CBFA2T2: variants seen among roughly 807,000 people sequenced by gnomAD.
The protein encoded by CBFA2T2 is CBFA2/RUNX1 partner transcriptional co-repressor 2.
In CBFA2T2, 11 loss-of-function variants were observed where a neutral mutation model predicts 62.2. That is an observed-to-expected ratio of 0.18 (90% CI 0.11 to 0.29). The LOEUF (loss-of-function observed/expected upper bound fraction) is 0.29, where lower values mean the gene tolerates loss of function less well. Among genes scored for constraint, CBFA2T2 ranks in the 10% least tolerant of loss-of-function variants. The pLI, the probability that CBFA2T2 is intolerant of heterozygous loss-of-function variation, is 1.00. For synonymous variants in CBFA2T2, 295 were observed against 287.5 expected, an observed-to-expected ratio of 1.03 and a Z score of -0.27; for missense variants, 592 against 774.1, an observed-to-expected ratio of 0.76 and a Z score of 2.79.
rs535557912 is a variant in CBFA2T2, at chr20:33,542,222, G to A, written c.34+51921G>A. Reference sequence around the variant, plus strand: ...AGGAACATGTGGTTTACAGCATCTAGCCTAGTACCTCGTTTTGCTCTTCTA... The same window carrying A: ...AGGAACATGTGGTTTACAGCATCTAACCTAGTACCTCGTTTTGCTCTTCTA... On this transcript the variant is annotated intron_variant, in intron 1 of 10. Coordinates refer to ENST00000342704, the MANE Select transcript of CBFA2T2 (RefSeq NM_001032999.3). Among the ~76,000 whole-genome samples the A allele has an allele frequency of 3.3e-5, 5 of 152,258 alleles. No homozygotes were observed. In the East Asian group the frequency reaches 5.8e-4, roughly 18 times the overall value.
chr20:33,549,258 A>G (rs2012665620), intron 1 of CBFA2T2, among the ~76,000 whole-genome samples: 1 of 149,050 alleles, frequency 6.7e-6, no homozygotes, highest in African/African-American at 2.5e-5. Flanking sequence ...CATAAAGCAG[A>G]TAAAACTGGA....
intron 4 of CBFA2T2, among the ~76,000 whole-genome samples, chr20:33,621,313 T>TTTTTTTTTTTG (rs1491565812): frequency 9.2e-6 from 1 of 108,142 alleles, no homozygotes; most frequent in Non-Finnish European, 1.9e-5. Context: ...TTTTTTTTTT[T>TTTTTTTTTTTG]GGGGAGACAA....
chr20:33,616,147 C>A (rs1034076696), intron 3 of CBFA2T2, among the ~76,000 whole-genome samples: 12 of 150,342 alleles, frequency 8.0e-5, no homozygotes, highest in Non-Finnish European at 1.6e-4. Flanking sequence ...CAGAGCAATA[C>A]TCTGTAGATA....
At position 33,619,533 on chromosome 20, in the gene CBFA2T2, T is replaced by G. The variant is rs756277843; in HGVS notation, c.437T>G (p.Ile146Ser). The change falls in exon 4 of 11, where the codon ATT becomes AGT. Residue 146 changes from isoleucine to serine, a missense_variant. Physicochemically the swap from Ile to Ser is moderately radical, Grantham distance 142. This residue lies in a region of CBFA2T2 where 449 missense variants were observed against 551.2 expected (regional missense o/e 0.81). Transcript: ENST00000342704. ...TCTTTTCAGAACTCAACAGTGACAA[T>G]TGAGGAATTCCACTGTAAGCTCCAA... Reference protein sequence around the residue: ...VLALVNSTVTIEEFHCKLQEA... With the variant: ...VLALVNSTVTSEEFHCKLQEA... 1 of 1,603,636 alleles carries G rather than the reference T, an allele frequency of 6.2e-7. No homozygotes were observed. Among genetic ancestry groups the G allele is most frequent in the South Asian group, 1.1e-5 (1 of 89,246 alleles).
At chr20:33,577,556 T>C (rs1294324292) in intron 1 of CBFA2T2, among the ~76,000 whole-genome samples, 1 of 152,218 alleles carries the variant, frequency 6.6e-6, no homozygotes, top group East Asian at 1.9e-4. Flanking sequence ...TACGTTCATA[T>C]ATTTGTGAAG....
chr20:33,562,917 A>G (rs2013143293), intron 1 of CBFA2T2, among the ~76,000 whole-genome samples: 1 of 152,240 alleles, frequency 6.6e-6, no homozygotes, highest in African/African-American at 2.4e-5. Flanking sequence ...AATTAGATGT[A>G]GTATATGAAT....
chr20:33,596,596 T>G (rs1174777930), intron 1 of CBFA2T2, among the ~76,000 whole-genome samples: 1 of 152,178 alleles, frequency 6.6e-6, no homozygotes, highest in Non-Finnish European at 1.5e-5. Context: ...TCATGATCTC[T>G]AAGAGTGGAA....
intron 1 of CBFA2T2, among the ~76,000 whole-genome samples, chr20:33,605,992 T>C (rs574037698): frequency 6.6e-6 from 1 of 152,184 alleles, no homozygotes; most frequent in East Asian, 1.9e-4. Flanking sequence ...CTAATTTTTA[T>C]ATTTTTAGTA....
At chr20:33,510,378 T>C (rs1245968011) in intron 1 of CBFA2T2, among the ~76,000 whole-genome samples, 1 of 151,070 alleles carries the variant, frequency 6.6e-6, no homozygotes, top group Non-Finnish European at 1.5e-5. Flanking sequence ...GCCCGGCTAA[T>C]TTTTTTTGTA....
In CBFA2T2 at chr20:33,624,735, T is replaced by G. The variant is rs753593487; in HGVS notation, c.693-29T>G. 4 of 1,610,728 alleles carry G rather than the reference T, an allele frequency of 2.5e-6. No homozygotes were observed. In the South Asian group the frequency reaches 4.4e-5, roughly 18 times the overall value. On this transcript the variant is annotated intron_variant, in intron 5 of 10. Coordinates refer to ENST00000342704, the MANE Select transcript of CBFA2T2 (RefSeq NM_001032999.3). Reference sequence around the variant, plus strand: ...TCTGCATGAACACTTGTTGACAGGATCAGATACGCACTTCTGCTTCTTCTA... The same window carrying G: ...TCTGCATGAACACTTGTTGACAGGAGCAGATACGCACTTCTGCTTCTTCTA...
chr20:33,596,436 C>G (rs2014891252), intron 1 of CBFA2T2, among the ~76,000 whole-genome samples: 2 of 152,304 alleles, frequency 1.3e-5, no homozygotes, highest in Non-Finnish European at 2.9e-5. Context: ...ACCTAAACAG[C>G]TAGCATGTAT....
At chr20:33,558,515 C>T (rs1238896375) in intron 1 of CBFA2T2, among the ~76,000 whole-genome samples, 1 of 152,126 alleles carries the variant, frequency 6.6e-6, no homozygotes, top group Non-Finnish European at 1.5e-5. Flanking sequence ...ATTGCTTGGA[C>T]TATAAAGTTT....
intron 10 of CBFA2T2, among the ~76,000 whole-genome samples, chr20:33,642,342 T>C (rs1347435830): frequency 6.6e-6 from 1 of 152,012 alleles, no homozygotes; most frequent in East Asian, 1.9e-4. Context: ...TGGCCAATGC[T>C]TGTAATCTCA....
At chr20:33,498,340 C>T (rs1375833819) in intron 1 of CBFA2T2, among the ~76,000 whole-genome samples, 1 of 151,764 alleles carries the variant, frequency 6.6e-6, no homozygotes, top group East Asian at 1.9e-4. Flanking sequence ...CAACCTCCGC[C>T]TCCCAGGGTC....
At chr20:33,508,077 G>A (rs1447474406) in intron 1 of CBFA2T2, among the ~76,000 whole-genome samples, 3 of 152,100 alleles carry the variant, frequency 2.0e-5, no homozygotes, top group Admixed American at 2.0e-4. Flanking sequence ...GGAAGCAGAC[G>A]GGTCAGGTCC....
intron 1 of CBFA2T2, among the ~76,000 whole-genome samples, chr20:33,540,018 A>G (rs541226281): frequency 1.3e-5 from 2 of 152,216 alleles, no homozygotes; most frequent in South Asian, 4.1e-4. Flanking sequence ...AGTAAGTTGA[A>G]TTTTACATGC....
chr20:33,643,729 C>T (rs2016932868), intron 10 of CBFA2T2, among the ~76,000 whole-genome samples: 2 of 116,066 alleles, frequency 1.7e-5, no homozygotes, highest in South Asian at 5.4e-4. Flanking sequence ...GTAGCCTGGC[C>T]AACATGGCAA....
intron 1 of CBFA2T2, among the ~76,000 whole-genome samples, chr20:33,547,447 A>G (rs1299624063): frequency 6.6e-6 from 1 of 152,220 alleles, no homozygotes; most frequent in Non-Finnish European, 1.5e-5. Flanking sequence ...TCATGCCTGT[A>G]ATCCCAGCAC....
intron 8 of CBFA2T2, among the ~76,000 whole-genome samples, chr20:33,634,188 C>T (rs951969720): frequency 6.6e-6 from 1 of 152,068 alleles, no homozygotes; most frequent in Non-Finnish European, 1.5e-5. Flanking sequence ...AGGTCGGTCT[C>T]GAACTCCTGA....
Sources: gnomAD v4.1 joint callset for allele counts (sites outside exome capture counted in the v4.1 genomes callset) on GRCh38, gnomAD v4.1.1 for gene constraint, gnomAD v4.1.1 regional missense constraint, MANE v1.5 for transcripts, NCBI Gene and HGNC (gene_info 2026-07-23, HGNC 2026-07-21) for gene names.